The following RIGI variants were observed in gnomAD, a reference collection of about 807,000 sequenced individuals.
The protein encoded by RIGI is antiviral innate immune response receptor RIG-I.
the RIGI span, among the ~76,000 whole-genome samples, chr9:32,503,313 A>G: frequency 1.5e-3 from 223 of 152,278 alleles, 1 homozygote; most frequent in African/African-American, 5.2e-3. Context: ...GGTCAGGCCC[A>G]TCCTTCTACT....
At chr9:32,478,434 A>G in the RIGI span, among the ~76,000 whole-genome samples, 2 of 152,226 alleles carry the variant, frequency 1.3e-5, no homozygotes, top group Non-Finnish European at 2.9e-5. Flanking sequence ...ATACTATAGA[A>G]TGATGTGCTG....
the RIGI span, among the ~76,000 whole-genome samples, chr9:32,507,393 C>T: frequency 6.6e-6 from 1 of 152,042 alleles, no homozygotes; most frequent in African/African-American, 2.4e-5. Flanking sequence ...CCTTATTAAA[C>T]AGATCATTTA....
the RIGI span, among the ~76,000 whole-genome samples, chr9:32,501,963 T>C: frequency 8.5e-5 from 13 of 152,158 alleles, no homozygotes; most frequent in Admixed American, 5.9e-4. Context: ...ATGACTACTA[T>C]TTTAGTACAT....
the RIGI span, chr9:32,500,860 CA>C: frequency 6.2e-7 from 1 of 1,614,174 alleles, no homozygotes. Context: ...CCTGGAGCTC[CA>C]ACAGGAACTT....
At chr9:32,517,608 C>T in the RIGI span, among the ~76,000 whole-genome samples, 1 of 152,106 alleles carries the variant, frequency 6.6e-6, no homozygotes, top group Non-Finnish European at 1.5e-5. Flanking sequence ...TTATATTTGT[C>T]TCAGCTAGAT....
chr9:32,511,816 C>T, the RIGI span, among the ~76,000 whole-genome samples: 1 of 151,924 alleles, frequency 6.6e-6, no homozygotes, highest in Admixed American at 6.6e-5. Flanking sequence ...AAAAGATTAA[C>T]AAATATATAG....
At chr9:32,491,318 T>C in the RIGI span, 1 of 1,613,302 alleles carries the variant, frequency 6.2e-7, no homozygotes, top group Non-Finnish European at 8.5e-7. Flanking sequence ...TGGACATGAA[T>C]TCTCACTAAG....
the RIGI span, among the ~76,000 whole-genome samples, chr9:32,470,005 T>C: frequency 6.6e-6 from 1 of 152,230 alleles, no homozygotes; most frequent in African/African-American, 2.4e-5. Context: ...TTATTTACCA[T>C]TCAAAGTCAT....
At chr9:32,466,042 T>G in the RIGI span, among the ~76,000 whole-genome samples, 1 of 152,232 alleles carries the variant, frequency 6.6e-6, no homozygotes, top group Non-Finnish European at 1.5e-5. Context: ...CGAGATGAAC[T>G]GTCAACTAGA....
At chr9:32,488,630 A>G in the RIGI span, 1 of 1,201,706 alleles carries the variant, frequency 8.3e-7, no homozygotes, top group South Asian at 2.1e-5. Flanking sequence ...AAAAAAGCTG[A>G]ATCTAATATA....
At chr9:32,510,095 G>A in the RIGI span, among the ~76,000 whole-genome samples, 1 of 152,064 alleles carries the variant, frequency 6.6e-6, no homozygotes, top group Non-Finnish European at 1.5e-5. Flanking sequence ...TATGTGAAAA[G>A]ACCAAACCTA....
At chr9:32,508,741 G>T in the RIGI span, among the ~76,000 whole-genome samples, 2 of 152,006 alleles carry the variant, frequency 1.3e-5, no homozygotes, top group Non-Finnish European at 2.9e-5. Context: ...TGGAATGCCA[G>T]CAAGACAGAA....
chr9:32,482,853 T>TAA, the RIGI span, among the ~76,000 whole-genome samples: 1 of 142,290 alleles, frequency 7.0e-6, no homozygotes, highest in Non-Finnish European at 1.5e-5. Flanking sequence ...GTGAGACTCT[T>TAA]AAAAAAAAAA....
chr9:32,481,514 A>G, the RIGI span: 1 of 1,545,428 alleles, frequency 6.5e-7, no homozygotes, highest in Non-Finnish European at 8.7e-7. Flanking sequence ...AAAAAAAAAA[A>G]AAAAGTTTTT....
chr9:32,514,425 G>A, the RIGI span, among the ~76,000 whole-genome samples: 1 of 152,160 alleles, frequency 6.6e-6, no homozygotes, highest in African/African-American at 2.4e-5. Flanking sequence ...GTCCTTTGCA[G>A]GGTCATGGAT....
the RIGI span, among the ~76,000 whole-genome samples, chr9:32,497,883 C>T: frequency 6.6e-6 from 1 of 152,172 alleles, no homozygotes; most frequent in African/African-American, 2.4e-5. Context: ...CTAGGACTTC[C>T]AATACTAAAC....
the RIGI span, chr9:32,468,033 CT>C: frequency 9.3e-7 from 1 of 1,069,554 alleles, no homozygotes; most frequent in Non-Finnish European, 1.3e-6. Context: ...ATGCCAAGTA[CT>C]GTGATAAGTA....
At chr9:32,459,288 A>C in the RIGI span, 14 of 1,450,472 alleles carry the variant, frequency 9.7e-6, no homozygotes, top group African/African-American at 2.0e-4. Context: ...AAATAATAGT[A>C]GTTTTATTAT....
chr9:32,488,903 G>GA, the RIGI span: 659 of 1,577,532 alleles, frequency 4.2e-4, no homozygotes, highest in Non-Finnish European at 5.5e-4. Flanking sequence ...AACATGTAAG[G>GA]AAAAAAGAAA....
Sources: gnomAD v4.1 joint callset for allele counts (sites outside exome capture counted in the v4.1 genomes callset) on GRCh38, gnomAD v4.1.1 for gene constraint, MANE v1.5 for transcripts, NCBI Gene and HGNC (gene_info 2026-07-23, HGNC 2026-07-21) for gene names.